The following SDAD1 variants were observed in gnomAD, a reference collection of about 807,000 sequenced individuals.
SDAD1 encodes protein SDA1 homolog.
A neutral mutation model predicts 100.3 loss-of-function variants in SDAD1; 79 were observed. The ratio of observed to expected loss-of-function variants is 0.79; its 90% CI spans 0.66 to 0.95. SDAD1 has a LOEUF of 0.95. SDAD1 is among the 40% of genes least tolerant of loss of function. SDAD1 has a pLI of 0.00. For synonymous variants in SDAD1, 267 were observed against 271.4 expected (o/e 0.98, Z 0.16); for missense variants, 790 against 810.9 (o/e 0.97, Z 0.31).
intron 8 of SDAD1, among the ~76,000 whole-genome samples, chr4:75,972,706 ATT>A (rs1235465758): frequency 7.5e-6 from 1 of 133,376 alleles, no homozygotes; most frequent in African/African-American, 2.7e-5. Flanking sequence ...ATGAATCTTG[ATT>A]TTTTTTTTTT....
At chr4:75,964,065 T>C (rs894616927) in intron 14 of SDAD1, 70 bp downstream of exon 14, 1 of 1,006,860 alleles carries the variant, frequency 9.9e-7, no homozygotes, top group Non-Finnish European at 1.6e-6. Flanking sequence ...CAATCTTACA[T>C]CTTGGTAACT....
chr4:75,969,646 A>G (rs1729752594), intron 10 of SDAD1, among the ~76,000 whole-genome samples: 1 of 152,168 alleles, frequency 6.6e-6, no homozygotes. Flanking sequence ...CTTGCTTCTT[A>G]AAGGGGTAGT....
At chr4:75,983,871 G>A (rs919786532) in intron 1 of SDAD1, among the ~76,000 whole-genome samples, 9 of 152,140 alleles carry the variant, frequency 5.9e-5, no homozygotes, top group African/African-American at 2.2e-4. Flanking sequence ...CCGGGCCTAT[G>A]TCCTGAATGG....
intron 18 of SDAD1, 43 bp downstream of exon 18, chr4:75,957,804 T>C (rs750911743): frequency 6.2e-7 from 1 of 1,612,202 alleles, no homozygotes; most frequent in South Asian, 1.1e-5. Context: ...ATAAATTACG[T>C]CTTAATAAAC....
At chr4:75,970,896 TC>T (rs1191170875) in intron 9 of SDAD1, among the ~76,000 whole-genome samples, 4 of 152,156 alleles carry the variant, frequency 2.6e-5, no homozygotes, top group African/African-American at 9.7e-5. Context: ...TCCTGAGGCC[TC>T]CCCCACCATG....
intron 21 of SDAD1, among the ~76,000 whole-genome samples, chr4:75,951,955 G>A (rs963382127): frequency 1.3e-5 from 2 of 151,938 alleles, no homozygotes; most frequent in African/African-American, 4.8e-5. Context: ...AAACAGTTTC[G>A]GGGTAGAAGT....
At chr4:75,979,010 A>AAAAAAAAAAT (rs1401690008) in intron 3 of SDAD1, among the ~76,000 whole-genome samples, 1 of 145,090 alleles carries the variant, frequency 6.9e-6, no homozygotes, top group Non-Finnish European at 1.5e-5. Context: ...AAAAAAAAAA[A>AAAAAAAAAAT]ATTCAGGGAA....
Position 75,950,687 on chromosome 4 carries a change from C to A in SDAD1, c.*63G>T. 8.3e-7 allele frequency: 1 copy of A among 1,203,548 alleles called. No homozygotes were observed. The highest frequency in any genetic ancestry group is 1.4e-5 in the South Asian group (1 of 72,816). 74.6% of individuals were successfully genotyped at this position (1,203,548 alleles called of 1,614,324 possible). On this transcript the variant is annotated 3_prime_UTR_variant, in exon 22 of 22. Transcript: ENST00000356260. ...AATGTAAACAAACATGCTTGATTTA[C>A]CAATTTTCAGAGCAAGGACACAAAC...
Position 75,970,345 on chromosome 4 carries a change from T to TAG in SDAD1, c.846_847insCT (p.Asn283LeufsTer8). 1 of 1,613,970 alleles carries TAG rather than the reference T, an allele frequency of 6.2e-7. No individual in the cohort carries two copies. Among genetic ancestry groups the TAG allele is most frequent in the South Asian group, 1.1e-5 (1 of 91,076 alleles). ...TGAATCAAGTGAATGGCTGAAAAGT[T>TAG]AAACACCTCTGGTTTTTTCTTCTTT... is the stretch of plus-strand genomic sequence containing the variant. On this transcript the variant is annotated frameshift_variant, in exon 10 of 22. Transcript: ENST00000356260. LOFTEE classifies it high-confidence loss of function.
chr4:75,973,271 G>A (rs1276648484), intron 8 of SDAD1, 46 bp downstream of exon 8: 2 of 1,451,544 alleles, frequency 1.4e-6, no homozygotes, highest in African/African-American at 2.8e-5. Flanking sequence ...TGTACTCAGA[G>A]CAATAATAAA....
At chr4:75,962,130 T>C (rs1729277605) in intron 14 of SDAD1, among the ~76,000 whole-genome samples, 2 of 152,292 alleles carry the variant, frequency 1.3e-5, no homozygotes, top group Admixed American at 1.3e-4. Context: ...TTCCCACCTG[T>C]GAGTGAGAAC....
chr4:75,967,411 C>T (rs1729611893), intron 11 of SDAD1, 77 bp from the exon 12 acceptor site: 3 of 1,310,732 alleles, frequency 2.3e-6, no homozygotes, highest in Non-Finnish European at 3.3e-6. Context: ...GCAAACATAT[C>T]ACCAAGCTCA....
In SDAD1 at chr4:75,968,711, G is replaced by A. The variant is rs78852666; in HGVS notation, c.987+585C>T. On this transcript the variant is annotated intron_variant, in intron 11 of 21. Coordinates refer to ENST00000356260, the MANE Select transcript of SDAD1 (RefSeq NM_018115.4). ...TATTGGCTCAAGAAAATGTGTATGC[G>A]TAACAAAGTGAACAAAAAGAAAGTA... is the stretch of plus-strand genomic sequence containing the variant. Among the ~76,000 whole-genome samples the A allele has an allele frequency of 2.0e-3, 297 of 152,168 alleles. 2 individuals are homozygous for A. The highest frequency in any genetic ancestry group is 4.1e-3 in the Admixed American group (63 of 15,276).
chr4:75,957,806 T>C (rs756703101), intron 18 of SDAD1, 41 bp downstream of exon 18: 9 of 1,612,450 alleles, frequency 5.6e-6, no homozygotes, highest in Admixed American at 1.7e-5. Context: ...AAATTACGTC[T>C]TAATAAACAC....
intron 12 of SDAD1, among the ~76,000 whole-genome samples, chr4:75,966,040 G>T (rs376719411): frequency 3.3e-5 from 5 of 151,954 alleles, no homozygotes; most frequent in African/African-American, 1.2e-4. Flanking sequence ...ACCACACAAT[G>T]TAAAACAGAA....
chr4:75,981,403 T>C lies in SDAD1; in HGVS notation c.263A>G (p.Asn88Ser), dbSNP rs150774938. Residue 88 changes from asparagine (N) to serine (S), a missense_variant, in exon 3 of 22, where the codon AAT becomes AGT. Coordinates refer to ENST00000356260, the MANE Select transcript of SDAD1 (RefSeq NM_018115.4). ...PQEVKDLLSC[N>S]HTVLDPDLRM... ...CAGATCTGGATCCAATACGGTATGA[T>C]TGCAGGAGAGAAGATCTTTCACCTC... 3.3e-5 allele frequency: 54 copies of C among 1,613,784 alleles called. No homozygotes were observed. The highest frequency in any genetic ancestry group is 2.6e-4 in the South Asian group (24 of 91,080).
rs568147107 is a variant in SDAD1 at position 75,961,362 on chromosome 4, T to G, written c.1182-54A>C. On this transcript the variant is annotated intron_variant, in intron 14 of 21. Coordinates refer to ENST00000356260, the MANE Select transcript of SDAD1 (RefSeq NM_018115.4). ...AGCCCGAATAGCAATTTTTTCATGA[T>G]TCAACACAGGAAGACTTCCTAAAAA... is the stretch of plus-strand genomic sequence containing the variant. 3.1e-6 allele frequency: 4 copies of G among 1,296,684 alleles called. No individual in the cohort carries two copies. In the East Asian group the frequency reaches 9.2e-5, roughly 30 times the overall value. 80.3% of individuals were successfully genotyped at this position (1,296,684 alleles called of 1,614,324 possible).
chr4:75,977,401 T>C (rs1021111218), intron 4 of SDAD1, among the ~76,000 whole-genome samples: 5 of 152,138 alleles, frequency 3.3e-5, no homozygotes, highest in African/African-American at 1.2e-4. Context: ...ATAATAATAA[T>C]GAGGATCCCT....
Position 75,975,996 on chromosome 4 carries a change from C to T in SDAD1, c.406-1G>A, listed in dbSNP as rs757882191. ...CAGTCACAATATGTGTGTATAAAGT[C>T]TGAGGAAAAGAAACAAAAATATATA... On this transcript the variant is annotated splice_acceptor_variant, in intron 4 of 21. Transcript: ENST00000356260. LOFTEE classifies it high-confidence loss of function. 3 of 1,590,660 alleles carry T rather than the reference C, an allele frequency of 1.9e-6. No homozygotes were observed. Among genetic ancestry groups the T allele is most frequent in the Non-Finnish European group, 2.6e-6 (3 of 1,160,712 alleles).
Sources: gnomAD v4.1 joint callset for allele counts (sites outside exome capture counted in the v4.1 genomes callset) on GRCh38, gnomAD v4.1.1 for gene constraint, MANE v1.5 for transcripts, NCBI Gene and HGNC (gene_info 2026-07-23, HGNC 2026-07-21) for gene names.